MIER1: variants seen among roughly 807,000 people sequenced by gnomAD.
The protein encoded by MIER1 is MIER1 transcriptional regulator.
Under a neutral mutation model 75.7 loss-of-function variants are expected in MIER1, and 40 were observed. The observed-to-expected ratio is 0.53, with a 90% CI of 0.41 to 0.69. The LOEUF (loss-of-function observed/expected upper bound fraction) is 0.69. Ranked by LOEUF, MIER1 falls within the 30% of genes least tolerant of loss-of-function variation. MIER1 has a pLI of 0.00. For synonymous variants in MIER1, 213 were observed against 223.4 expected (o/e 0.95, Z 0.42); for missense variants, 574 against 680.2 (o/e 0.84, Z 1.74).
chr1:66,963,075 A>T lies in MIER1; in HGVS notation c.700-13A>T. The stretch of plus-strand genomic sequence containing the variant: ...CTAGATCTTACTAATGTTTTATGTT[A>T]TTTTTAAAATAGGAGATTATGGTGG... On this transcript the variant is annotated splice_polypyrimidine_tract_variant and intron_variant, in intron 7 of 13. Transcript: ENST00000401041. 6.3e-7 allele frequency: 1 copy of T among 1,577,614 alleles called. No homozygotes were observed. Among genetic ancestry groups the T allele is most frequent in the Non-Finnish European group, 8.7e-7 (1 of 1,148,154 alleles).
chr1:66,981,643 A>G (rs1665906647), intron 12 of MIER1, 136 bp from the exon 13 acceptor site: 3 of 643,002 alleles, frequency 4.7e-6, no homozygotes, highest in African/African-American at 3.7e-5. Context: ...AGATCCTGGT[A>G]TGATAGATGA....
At chr1:66,930,440 C>T in intron 2 of MIER1, 2 of 1,600,530 alleles carry the variant, frequency 1.2e-6, no homozygotes, top group African/African-American at 1.4e-5. Flanking sequence ...CGGAGCCGGG[C>T]GCCCCCGGCC....
intron 11 of MIER1, among the ~76,000 whole-genome samples, chr1:66,974,771 A>C (rs1050719292): frequency 2.0e-5 from 3 of 152,152 alleles, no homozygotes; most frequent in Non-Finnish European, 2.9e-5. Flanking sequence ...AATTCTTTAA[A>C]AGGGAGACGA....
At chr1:66,933,479 A>G (rs369335765) in intron 2 of MIER1, among the ~76,000 whole-genome samples, 1 of 152,254 alleles carries the variant, frequency 6.6e-6, no homozygotes, top group South Asian at 2.1e-4. Flanking sequence ...GAGGGTATAT[A>G]ATCTGTTTAT....
At position 66,958,910 on chromosome 1, in the gene MIER1, T is replaced by C; in HGVS notation, c.561T>C (p.Asp187=). Residue 187 remains aspartate, a synonymous_variant, in exon 6 of 14, where the codon GAT becomes GAC. Coordinates refer to ENST00000401041, the MANE Select transcript of MIER1 (RefSeq NM_001077700.3). ...ATGAAACTCAGTCTTCCAATGATGA[T>C]CCATCACAATCTGTTGCTTCTCAAG... ...QEDETQSSND[D]PSQSVASQDA... is the part of the protein sequence containing the mutation. 6.2e-7 allele frequency: 1 copy of C among 1,611,766 alleles called. No homozygotes were observed. Among genetic ancestry groups the C allele is most frequent in the South Asian group, 1.1e-5 (1 of 91,020 alleles).
chr1:66,972,235 C>CATATATATATAT (rs71058486), intron 10 of MIER1, among the ~76,000 whole-genome samples: 22 of 63,722 alleles, frequency 3.5e-4, no homozygotes, highest in African/African-American at 1.8e-3. Flanking sequence ...ATATACACTA[C>CATATATATATAT]ATATATATAT....
At chr1:66,944,664 G>A (rs189652319) in intron 3 of MIER1, among the ~76,000 whole-genome samples, 193 of 151,886 alleles carry the variant, frequency 1.3e-3, no homozygotes, top group African/African-American at 3.9e-3. Flanking sequence ...AGTCTTTGGC[G>A]TTATTTCTGA....
At position 66,985,427 on chromosome 1, in the gene MIER1, TGC is replaced by T. The variant is rs1666656409; in HGVS notation, c.*528_*529del. ...AAACCCTTACGAATCCTGAAAATTA[TGC>T]TAGCATGATTTTTTTATATATAGAA... On this transcript the variant is annotated 3_prime_UTR_variant, in exon 14 of 14. Coordinates refer to ENST00000401041, the MANE Select transcript of MIER1 (RefSeq NM_001077700.3). The T allele has an allele frequency of 1.0e-6, 1 of 983,594 alleles. No homozygotes were observed. The allele number at this position is 983,594 out of a possible 1,614,324, so 60.9% of individuals were successfully genotyped here. A position where few individuals can be genotyped will look rare whatever the true frequency, so the allele number is the denominator to read the frequency against.
chr1:66,932,642 A>G (rs865847924), intron 2 of MIER1: 1 of 152,194 alleles, frequency 6.6e-6, no homozygotes, highest in Non-Finnish European at 1.5e-5. Context: ...TATGAAGCCA[A>G]TATAAAAGCA....
chr1:66,960,764 G>A (rs967700250), intron 7 of MIER1, among the ~76,000 whole-genome samples: 1 of 152,154 alleles, frequency 6.6e-6, no homozygotes, highest in African/African-American at 2.4e-5. Context: ...GATGGGACTC[G>A]ACAGAAAACA....
intron 12 of MIER1, among the ~76,000 whole-genome samples, chr1:66,978,423 C>G (rs1665199114): frequency 1.3e-5 from 2 of 151,970 alleles, no homozygotes; most frequent in Admixed American, 1.3e-4. Flanking sequence ...ACATCATCCC[C>G]CATTATTCAA....
At chr1:66,984,530 T>C (rs2102136338) in intron 13 of MIER1, 42 bp from the exon 14 acceptor site, 1 of 1,461,020 alleles carries the variant, frequency 6.8e-7, no homozygotes, top group Non-Finnish European at 9.2e-7. Context: ...CAAATTTAAC[T>C]TTTTTCTAAT....
At position 66,986,133 on chromosome 1, in the gene MIER1, GAA is replaced by G. The variant is rs1173616738; in HGVS notation, c.*1235_*1236del. The G allele has an allele frequency of 4.4e-5, 50 of 1,138,548 alleles. No homozygotes were observed. The Middle Eastern group carries it at 2.3e-3, about 51-fold the overall frequency. 70.5% of individuals were successfully genotyped at this position (1,138,548 alleles called of 1,614,324 possible). A position where few individuals can be genotyped will look rare whatever the true frequency, so the allele number is the denominator to read the frequency against. On this transcript the variant is annotated 3_prime_UTR_variant, in exon 14 of 14. Coordinates refer to ENST00000401041, the MANE Select transcript of MIER1 (RefSeq NM_001077700.3). The stretch of plus-strand genomic sequence containing the variant: ...GCAGGCAGTATCGATTTTATGAAGA[GAA>G]AGTGAAGTTTGAAAACTTTTCAAAC...
intron 2 of MIER1, among the ~76,000 whole-genome samples, chr1:66,927,884 C>CTA (rs1461665030): frequency 1.3e-5 from 2 of 152,094 alleles, no homozygotes; most frequent in Middle Eastern, 3.4e-3. Context: ...AATTCTATAA[C>CTA]TAGTGAATAG....
chr1:66,929,235 A>G (rs114914895), intron 2 of MIER1: 12,462 of 391,590 alleles, frequency 0.032, 269 homozygotes, highest in Non-Finnish European at 0.041. Flanking sequence ...AGGAATGAAT[A>G]ATTCTCGTAT....
At chr1:66,972,814 A>T in intron 10 of MIER1, 83 bp from the exon 11 acceptor site, 1 of 695,512 alleles carries the variant, frequency 1.4e-6, no homozygotes, top group Non-Finnish European at 2.5e-6. Flanking sequence ...TTTTACGAGA[A>T]GGTTAAGTTT....
chr1:66,978,898 A>G (rs564260371), intron 12 of MIER1, among the ~76,000 whole-genome samples: 6 of 152,314 alleles, frequency 3.9e-5, no homozygotes, highest in African/African-American at 1.2e-4. Flanking sequence ...GCTTCTGAAA[A>G]CTTTTTGAAG....
intron 2 of MIER1, among the ~76,000 whole-genome samples, chr1:66,932,369 A>G (rs1186509807): frequency 6.6e-6 from 1 of 152,328 alleles, no homozygotes; most frequent in East Asian, 1.9e-4. Flanking sequence ...TCTTTAAACA[A>G]TTTATCTTCT....
chr1:66,961,429 G>A (rs1251787198), intron 7 of MIER1, among the ~76,000 whole-genome samples: 2 of 152,138 alleles, frequency 1.3e-5, no homozygotes, highest in Non-Finnish European at 2.9e-5. Context: ...AAGGAAAATT[G>A]CATATATGAT....
Sources: allele counts gnomAD v4.1 joint callset (sites outside exome capture counted in the v4.1 genomes callset), GRCh38; gene constraint gnomAD v4.1.1; transcripts MANE v1.5; gene names NCBI Gene and HGNC (gene_info 2026-07-23, HGNC 2026-07-21).